WDR19: variants seen among roughly 807,000 people sequenced by gnomAD.
WDR19 encodes the protein WD repeat domain 19.
Under a neutral mutation model 180.0 loss-of-function variants are expected in WDR19, and 121 were observed. The observed-to-expected ratio is 0.67, with a 90% confidence interval of 0.58 to 0.78. The LOEUF (loss-of-function observed/expected upper bound fraction) is 0.78. Among genes scored for constraint, WDR19 ranks in the 30% least tolerant of loss-of-function variants. WDR19 has a pLI of 0.00. For missense variants in WDR19, 1,450 were observed against 1,640.7 expected, an observed-to-expected ratio of 0.88 and a Z score of 2.01; for synonymous variants, 497 against 540.7, an observed-to-expected ratio of 0.92 and a Z score of 1.12.
chr4:39,262,364 C>T (rs137923356), intron 28 of WDR19, among the ~76,000 whole-genome samples: 1 of 152,158 alleles, frequency 6.6e-6, no homozygotes, highest in African/African-American at 2.4e-5. Context: ...CCCACCTTAG[C>T]CTCCCAAGTA....
intron 20 of WDR19, among the ~76,000 whole-genome samples, chr4:39,239,017 C>T (rs2109389733): frequency 6.6e-6 from 1 of 152,270 alleles, no homozygotes; most frequent in Non-Finnish European, 1.5e-5. Context: ...CACTCTGTCA[C>T]CCAGGCTGGA....
chr4:39,225,879 AT>A (rs1730200578), intron 15 of WDR19, among the ~76,000 whole-genome samples: 1 of 119,032 alleles, frequency 8.4e-6, no homozygotes, highest in African/African-American at 3.2e-5. Flanking sequence ...TTCTTTCTTT[AT>A]TTGACAAGTA....
chr4:39,255,117 A>T (rs189995911), intron 26 of WDR19, among the ~76,000 whole-genome samples: 5 of 152,228 alleles, frequency 3.3e-5, no homozygotes, highest in African/African-American at 1.2e-4. Context: ...AGAATTGCCA[A>T]TGTTTAACTT....
chr4:39,192,858 A>G (rs1368855949), intron 4 of WDR19, among the ~76,000 whole-genome samples: 1 of 152,182 alleles, frequency 6.6e-6, no homozygotes, highest in East Asian at 1.9e-4. Flanking sequence ...CTGCCCAGGA[A>G]TGGGCCCAGC....
At chr4:39,211,936 AGAGAGAGAGAGAG>A (rs1728561502) in intron 9 of WDR19, among the ~76,000 whole-genome samples, 1 of 536 alleles carries the variant, frequency 1.9e-3, no homozygotes, top group East Asian at 0.12. Context: ...AGACAGAGAG[AGAGAGAGAGAGAG>A]AGAGAGAGAG....
chr4:39,265,665 G>A (rs546112524), intron 28 of WDR19, among the ~76,000 whole-genome samples: 3 of 151,260 alleles, frequency 2.0e-5, no homozygotes, highest in Non-Finnish European at 4.4e-5. Context: ...CCAGCTACTC[G>A]AGAGGCTGAG....
At chr4:39,221,155 T>C (rs1482696037) in intron 14 of WDR19, among the ~76,000 whole-genome samples, 3 of 152,174 alleles carry the variant, frequency 2.0e-5, no homozygotes, top group African/African-American at 7.2e-5. Flanking sequence ...GTCTCATATA[T>C]CAGGTAATTT....
Position 39,234,820 on chromosome 4 carries a change from G to T in WDR19, c.2308G>T (p.Ala770Ser). The T allele has an allele frequency of 6.3e-7, 1 of 1,584,304 alleles. No homozygotes were observed. Among genetic ancestry groups the T allele is most frequent in the Non-Finnish European group, 8.6e-7 (1 of 1,164,150 alleles). Residue 770 changes from alanine (A) to serine (S), a missense_variant, in exon 20 of 37, where the codon GCC (alanine) becomes TCC (serine). Coordinates refer to ENST00000399820, the MANE Select transcript of WDR19 (RefSeq NM_025132.4). ...TGCTCTACAACTGGCAAAGCATTTG[G>T]CCCCAGACCAGATACCTTTTATATC... ...DSALQLAKHL[A>S]PDQIPFISKE...
intron 24 of WDR19, among the ~76,000 whole-genome samples, chr4:39,252,310 A>G (rs2109433835): frequency 7.0e-6 from 1 of 143,518 alleles, no homozygotes; most frequent in South Asian, 2.3e-4. Context: ...TTGAACAATG[A>G]GAACACATAG....
chr4:39,280,213 T>G (rs552034805), intron 36 of WDR19, among the ~76,000 whole-genome samples: 14 of 135,230 alleles, frequency 1.0e-4, no homozygotes, highest in African/African-American at 3.8e-4. Context: ...CCTCCTACCT[T>G]GGCCTCCCAA....
chr4:39,284,393 C>T (rs796147898), intron 36 of WDR19, among the ~76,000 whole-genome samples: 16 of 133,298 alleles, frequency 1.2e-4, no homozygotes, highest in African/African-American at 4.4e-4. Context: ...GGCTGGGGTG[C>T]AGTGCCACAA....
rs761488634 is a variant in WDR19 at position 39,195,391 on chromosome 4, C to CA, written c.406+735dup. 5.7e-3 allele frequency among the ~76,000 whole-genome samples: 751 copies of CA among 132,770 alleles called. 20 individuals carry two copies. Among genetic ancestry groups the CA allele is most frequent in the African/African-American group, 0.012 (329 of 28,532 alleles). 87.1% of individuals were successfully genotyped at this position (132,770 alleles called of 152,430 possible). A position where few individuals can be genotyped will look rare whatever the true frequency, so the allele number is the denominator to read the frequency against. On this transcript the variant is annotated intron_variant, in intron 5 of 36. Coordinates refer to ENST00000399820, the MANE Select transcript of WDR19 (RefSeq NM_025132.4). Reference sequence around the variant, plus strand: ...CAAAAAAAAAAAACAAAAAAACAAACAAACAAAAAAAAACATTTACTGCTT... The same window carrying CA: ...CAAAAAAAAAAAACAAAAAAACAAACAAAACAAAAAAAAACATTTACTGCTT...
chr4:39,232,146 T>C lies in WDR19; in HGVS notation c.2143-16T>C. 1 of 1,599,704 alleles carries C rather than the reference T, an allele frequency of 6.3e-7. No individual in the cohort carries two copies. Among genetic ancestry groups the C allele is most frequent in the Non-Finnish European group, 8.5e-7 (1 of 1,172,736 alleles). On this transcript the variant is annotated splice_polypyrimidine_tract_variant and intron_variant, in intron 18 of 36. Transcript: ENST00000399820. ...TCTTGCATTTTTTTTCTCATCAGAA[T>C]TGCTTTTATTTGTAGGGAATAGAGG...
At chr4:39,252,266 C>A (rs1241661046) in intron 24 of WDR19, among the ~76,000 whole-genome samples, 1 of 148,674 alleles carries the variant, frequency 6.7e-6, no homozygotes, top group African/African-American at 2.5e-5. Context: ...GGACAAAAAA[C>A]CAAATACCTC....
intron 14 of WDR19, among the ~76,000 whole-genome samples, chr4:39,224,681 C>T (rs961938428): frequency 2.6e-5 from 4 of 152,194 alleles, no homozygotes; most frequent in Admixed American, 6.5e-5. Flanking sequence ...CAGGCAAGAG[C>T]CACTGCGCCC....
intron 20 of WDR19, among the ~76,000 whole-genome samples, chr4:39,239,432 G>A (rs756859589): frequency 6.0e-4 from 82 of 137,430 alleles, no homozygotes; most frequent in Admixed American, 1.8e-3. Flanking sequence ...TAAATATTGG[G>A]CCTTTGGTTT....
At chr4:39,214,830 T>C (rs900071163) in intron 10 of WDR19, among the ~76,000 whole-genome samples, 159 bp downstream of exon 10, 17 of 151,548 alleles carry the variant, frequency 1.1e-4, no homozygotes, top group Middle Eastern at 6.8e-3. Flanking sequence ...TGGAATGCAA[T>C]GGCATGATCT....
chr4:39,204,943 G>A (rs1727791511), intron 7 of WDR19, among the ~76,000 whole-genome samples: 1 of 152,034 alleles, frequency 6.6e-6, no homozygotes, highest in African/African-American at 2.4e-5. Flanking sequence ...TATTTCAAAG[G>A]GTATATTGAA....
rs139966756 is a variant in WDR19 at position 39,279,856 on chromosome 4, C to A, written c.*13+1193C>A. On this transcript the variant is annotated intron_variant, in intron 36 of 36. Coordinates refer to ENST00000399820, the MANE Select transcript of WDR19 (RefSeq NM_025132.4). ...TAGCTAGGACTACAGGCGTGTGCCA[C>A]CACGCTCGGCTAACTTTTGTATTTT... 1.4e-3 allele frequency among the ~76,000 whole-genome samples: 216 copies of A among 152,136 alleles called. 3 individuals are homozygous for A. The East Asian group carries it at 0.027, about 19-fold the overall frequency.
Sources: allele counts gnomAD v4.1 joint callset (sites outside exome capture counted in the v4.1 genomes callset), GRCh38; gene constraint gnomAD v4.1.1; transcripts MANE v1.5; gene names NCBI Gene and HGNC (gene_info 2026-07-23, HGNC 2026-07-21).